Variants in GALNTL6 observed in about 807,000 individuals in gnomAD.
GALNTL6 encodes polypeptide N-acetylgalactosaminyltransferase like 6, also known as polypeptide N-acetylgalactosaminyltransferase-like 6.
In GALNTL6, 46 loss-of-function variants were observed where a neutral mutation model predicts 73.7. The ratio of observed to expected loss-of-function variants is 0.62; its 90% confidence interval spans 0.49 to 0.80. GALNTL6 has a LOEUF of 0.80. GALNTL6 is among the 30% of genes least tolerant of loss of function. The pLI is 0.00. For missense variants in GALNTL6, 604 were observed against 755.0 expected, an observed-to-expected ratio of 0.80 and a Z score of 2.34; for synonymous variants, 259 against 263.7, an observed-to-expected ratio of 0.98 and a Z score of 0.17.
At chr4:172,689,604 G>A (rs964183017) in intron 5 of GALNTL6, among the ~76,000 whole-genome samples, 1 of 152,054 alleles carries the variant, frequency 6.6e-6, no homozygotes, top group Non-Finnish European at 1.5e-5. Flanking sequence ...TTCACATACT[G>A]CCAGCAAGGG....
intron 5 of GALNTL6, among the ~76,000 whole-genome samples, chr4:172,350,585 G>A (rs953267832): frequency 3.3e-5 from 5 of 152,042 alleles, no homozygotes; most frequent in Non-Finnish European, 7.4e-5. Flanking sequence ...TTACTTTAAC[G>A]CTTAGGTAAA....
At chr4:172,070,410 TCTTATGAATGGATTAATGTCAGTTTTATC>T (rs1731510946) in intron 2 of GALNTL6, among the ~76,000 whole-genome samples, 1 of 110,758 alleles carries the variant, frequency 9.0e-6, no homozygotes, top group South Asian at 2.6e-4. Flanking sequence ...ATCCCTCTGC[TCTTATGAATGGATTAATGTCAGTTTTATC>T]CTTATGAATG....
intron 5 of GALNTL6, among the ~76,000 whole-genome samples, chr4:172,396,506 AG>A (rs1334678600): frequency 2.6e-5 from 4 of 152,110 alleles, no homozygotes; most frequent in Non-Finnish European, 5.9e-5. Flanking sequence ...GTGCAAGCCA[AG>A]TGAGGGGTTT....
At chr4:171,906,552 T>G (rs182581011) in intron 2 of GALNTL6, among the ~76,000 whole-genome samples, 4,256 of 152,234 alleles carry the variant, frequency 0.028, 116 homozygotes, top group Non-Finnish European at 0.04. Context: ...CACAGCCAAA[T>G]TCTACCAGAG....
intron 2 of GALNTL6, among the ~76,000 whole-genome samples, chr4:171,954,650 A>G (rs576002112): frequency 4.6e-5 from 7 of 152,190 alleles, no homozygotes; most frequent in Non-Finnish European, 1.0e-4. Context: ...AAATTAGACA[A>G]TCAATTAAAC....
chr4:172,667,279 C>T (rs1731723451), intron 5 of GALNTL6: 1 of 152,192 alleles, frequency 6.6e-6, no homozygotes, highest in African/African-American at 2.4e-5. Context: ...CTCCCTGTAC[C>T]AAGTCTTCCA....
intron 2 of GALNTL6, among the ~76,000 whole-genome samples, chr4:171,830,927 C>T (rs75648658): frequency 0.01 from 1,567 of 151,984 alleles, 12 homozygotes; most frequent in Non-Finnish European, 0.016. Flanking sequence ...ATAACTACCA[C>T]GGCAATTTAG....
intron 7 of GALNTL6, among the ~76,000 whole-genome samples, chr4:172,820,349 G>C (rs1047970564): frequency 6.6e-6 from 1 of 152,162 alleles, no homozygotes; most frequent in Non-Finnish European, 1.5e-5. Flanking sequence ...TCCCACTTGG[G>C]TTAAATTTCA....
chr4:172,238,856 G>A (rs1024258417), intron 3 of GALNTL6, among the ~76,000 whole-genome samples: 7 of 151,894 alleles, frequency 4.6e-5, no homozygotes, highest in Admixed American at 3.9e-4. Context: ...CTATTCATAT[G>A]GTTATATAGT....
At chr4:172,134,778 C>A (rs1733593315) in intron 2 of GALNTL6, among the ~76,000 whole-genome samples, 1 of 152,120 alleles carries the variant, frequency 6.6e-6, no homozygotes, top group Admixed American at 6.5e-5. Flanking sequence ...CCTGCTGATA[C>A]AATAGCAGAG....
At chr4:172,399,255 A>G (rs1223971671) in intron 5 of GALNTL6, among the ~76,000 whole-genome samples, 1 of 152,062 alleles carries the variant, frequency 6.6e-6, no homozygotes, top group Non-Finnish European at 1.5e-5. Context: ...ATAACCACAA[A>G]TACGTATTAT....
At chr4:172,877,968 A>G (rs1372215273) in intron 7 of GALNTL6, among the ~76,000 whole-genome samples, 3 of 152,064 alleles carry the variant, frequency 2.0e-5, no homozygotes, top group South Asian at 2.1e-4. Flanking sequence ...ATATTTTGCA[A>G]GAAAACAAAC....
intron 2 of GALNTL6, among the ~76,000 whole-genome samples, chr4:172,132,828 T>C (rs1038009205): frequency 6.6e-6 from 1 of 152,204 alleles, no homozygotes; most frequent in African/African-American, 2.4e-5. Context: ...TCTCTCATAA[T>C]ATTGCCATCT....
At chr4:173,029,225 G>A (rs1012343137) in intron 12 of GALNTL6, among the ~76,000 whole-genome samples, 7 of 152,186 alleles carry the variant, frequency 4.6e-5, no homozygotes, top group Admixed American at 3.9e-4. Context: ...TGTGGTCAGA[G>A]GTTGGGCAGT....
intron 5 of GALNTL6, among the ~76,000 whole-genome samples, chr4:172,535,298 T>C (rs1239897006): frequency 6.6e-6 from 1 of 152,180 alleles, no homozygotes; most frequent in African/African-American, 2.4e-5. Flanking sequence ...GCATTGGTAA[T>C]AGAAAAACAG....
intron 4 of GALNTL6, among the ~76,000 whole-genome samples, chr4:172,316,564 T>C (rs759989251): frequency 2.0e-5 from 3 of 152,208 alleles, no homozygotes; most frequent in Non-Finnish European, 4.4e-5. Flanking sequence ...GCCATGAAGC[T>C]AAAACTATTT....
At chr4:172,454,623 C>T (rs1194713098) in intron 5 of GALNTL6, among the ~76,000 whole-genome samples, 1 of 152,176 alleles carries the variant, frequency 6.6e-6, no homozygotes, top group Admixed American at 6.5e-5. Context: ...CCCAAGTGTC[C>T]AACATAGAAT....
chr4:172,188,301 CA>C (rs1735474676), intron 2 of GALNTL6, among the ~76,000 whole-genome samples: 1 of 152,080 alleles, frequency 6.6e-6, no homozygotes, highest in African/African-American at 2.4e-5. Context: ...AAATGAAATA[CA>C]AAAGGGAAAA....
intron 2 of GALNTL6, among the ~76,000 whole-genome samples, chr4:172,085,318 C>T (rs1731997214): frequency 6.6e-6 from 1 of 152,084 alleles, no homozygotes; most frequent in African/African-American, 2.4e-5. Flanking sequence ...AACCTGATAA[C>T]ACCACAACAT....
Sources: allele counts gnomAD v4.1 joint callset (sites outside exome capture counted in the v4.1 genomes callset), GRCh38; gene constraint gnomAD v4.1.1; transcripts MANE v1.5; gene names NCBI Gene and HGNC (gene_info 2026-07-23, HGNC 2026-07-21).